OXR1: variants seen among roughly 807,000 people sequenced by gnomAD.
OXR1 encodes oxidation resistance protein 1.
OXR1 carries 41 observed loss-of-function variants against 104.6 expected under a neutral mutation model. The observed-to-expected ratio is 0.39, with a 90% CI of 0.31 to 0.51. The LOEUF is 0.51. Ranked by LOEUF, OXR1 falls within the 20% of genes least tolerant of loss-of-function variation. The pLI is 0.77. For synonymous variants in OXR1, 348 were observed against 348.4 expected (o/e 1.00, Z 0.01); for missense variants, 955 against 1,031.9 (o/e 0.93, Z 1.02).
intron 1 of OXR1, among the ~76,000 whole-genome samples, chr8:106,295,234 T>C (rs1391105276): frequency 1.3e-5 from 2 of 152,200 alleles, no homozygotes; most frequent in African/African-American, 2.4e-5. Flanking sequence ...ATGATATCAG[T>C]TGCAACCTCA....
chr8:106,556,403 A>T (rs990519802), intron 3 of OXR1, among the ~76,000 whole-genome samples: 1 of 152,186 alleles, frequency 6.6e-6, no homozygotes, highest in Non-Finnish European at 1.5e-5. Flanking sequence ...CAAGGAAAGC[A>T]TCTCCAAGGA....
intron 11 of OXR1, among the ~76,000 whole-genome samples, chr8:106,719,204 T>A (rs1390908088): frequency 2.0e-5 from 3 of 152,216 alleles, no homozygotes; most frequent in Non-Finnish European, 4.4e-5. Flanking sequence ...TGATACAGAT[T>A]TTTTATGCCT....
chr8:106,432,117 T>C (rs1365466136), intron 2 of OXR1, among the ~76,000 whole-genome samples: 1 of 152,216 alleles, frequency 6.6e-6, no homozygotes, highest in African/African-American at 2.4e-5. Context: ...CAATCCATTT[T>C]CACCTGCCCT....
Position 106,339,053 on chromosome 8 carries a change from C to A in OXR1, c.-138-20423C>A, listed in dbSNP as rs533036764. On this transcript the variant is annotated intron_variant, in intron 1 of 16. Coordinates refer to ENST00000517566, the MANE Select transcript of OXR1 (RefSeq NM_001198533.2). The stretch of plus-strand genomic sequence containing the variant: ...CTCTTAGTTTAAAGGTGCTTCTTTT[C>A]TTAAAGGGAAATTTGCATTTTTCAT... 5.9e-5 allele frequency among the ~76,000 whole-genome samples: 9 copies of A among 152,196 alleles called. No individual in the cohort carries two copies. In the South Asian group the frequency reaches 1.9e-3, roughly 32 times the overall value.
intron 2 of OXR1, among the ~76,000 whole-genome samples, chr8:106,380,953 T>C (rs1291399646): frequency 1.3e-5 from 2 of 152,164 alleles, no homozygotes; most frequent in South Asian, 2.1e-4. Flanking sequence ...TAATGAGAGA[T>C]AAAAATATTA....
chr8:106,436,177 C>A (rs1819558140), intron 2 of OXR1, among the ~76,000 whole-genome samples: 1 of 152,094 alleles, frequency 6.6e-6, no homozygotes. Context: ...GCTACCATTT[C>A]ATGTCTCCTG....
At chr8:106,367,770 T>C (rs777373040) in intron 2 of OXR1, among the ~76,000 whole-genome samples, 3 of 152,078 alleles carry the variant, frequency 2.0e-5, no homozygotes, top group Admixed American at 6.6e-5. Flanking sequence ...TGGTAGAGGA[T>C]TGGGGAGTTG....
intron 3 of OXR1, among the ~76,000 whole-genome samples, chr8:106,520,746 C>A (rs541609787): frequency 6.6e-6 from 1 of 152,334 alleles, no homozygotes; most frequent in South Asian, 2.1e-4. Flanking sequence ...ATCCTTCTCT[C>A]CTCTGCAACA....
At chr8:106,650,567 G>C (rs1022627486) in intron 3 of OXR1, among the ~76,000 whole-genome samples, 3 of 152,132 alleles carry the variant, frequency 2.0e-5, no homozygotes, top group Admixed American at 6.5e-5. Context: ...GATAGAATGG[G>C]CTTATGGGAA....
At chr8:106,357,823 T>C (rs2130330320) in intron 1 of OXR1, among the ~76,000 whole-genome samples, 1 of 152,226 alleles carries the variant, frequency 6.6e-6, no homozygotes, top group Admixed American at 6.5e-5. Flanking sequence ...TTGCCCCATG[T>C]TTTCCGCTTT....
At chr8:106,482,130 A>T (rs16874728) in intron 2 of OXR1, among the ~76,000 whole-genome samples, 16,599 of 151,970 alleles carry the variant, frequency 0.11, 1,186 homozygotes, top group East Asian at 0.28. Context: ...ATGAGGAAAA[A>T]GGTATGAAAT....
At chr8:106,476,285 A>G (rs1195769397) in intron 2 of OXR1, among the ~76,000 whole-genome samples, 1 of 151,878 alleles carries the variant, frequency 6.6e-6, no homozygotes, top group Non-Finnish European at 1.5e-5. Context: ...TACCAAAAGA[A>G]CTTTTAAAAA....
rs1044613069 is a variant in OXR1 at position 106,364,058 on chromosome 8, A to C, written c.23+4422A>C. 2.6e-5 allele frequency among the ~76,000 whole-genome samples: 4 copies of C among 152,264 alleles called. No homozygotes were observed. In the South Asian group the frequency reaches 8.3e-4, roughly 32 times the overall value. On this transcript the variant is annotated intron_variant, in intron 2 of 16. Coordinates refer to ENST00000517566, the MANE Select transcript of OXR1 (RefSeq NM_001198533.2). ...GGGAAATACTGCAGTTTGTTAGTAG[A>C]ATTTTATCAGAAGTCAACAAAATAT...
intron 1 of OXR1, among the ~76,000 whole-genome samples, chr8:106,291,675 T>C (rs1163242448): frequency 6.6e-6 from 1 of 152,164 alleles, no homozygotes; most frequent in Non-Finnish European, 1.5e-5. Flanking sequence ...TATTAGTCCA[T>C]TTTCACACTG....
intron 16 of OXR1, among the ~76,000 whole-genome samples, chr8:106,747,501 A>G (rs1176852917): frequency 6.6e-6 from 1 of 152,202 alleles, no homozygotes; most frequent in Non-Finnish European, 1.5e-5. Flanking sequence ...GATTTAGAAG[A>G]CTACTTTTAT....
chr8:106,438,257 A>T (rs1458909530), intron 2 of OXR1, among the ~76,000 whole-genome samples: 2 of 152,102 alleles, frequency 1.3e-5, no homozygotes, highest in Non-Finnish European at 2.9e-5. Flanking sequence ...AAAGAAAGAG[A>T]TTGGGAAGCC....
At chr8:106,478,703 A>G (rs567157336) in intron 2 of OXR1, among the ~76,000 whole-genome samples, 1 of 151,820 alleles carries the variant, frequency 6.6e-6, no homozygotes, top group African/African-American at 2.4e-5. Flanking sequence ...TAAATTTAAC[A>G]TAATACGTAT....
At chr8:106,699,430 C>A (rs572875095) in intron 7 of OXR1, among the ~76,000 whole-genome samples, 1 of 152,290 alleles carries the variant, frequency 6.6e-6, no homozygotes, top group East Asian at 1.9e-4. Context: ...TGGAAACTTT[C>A]TCCACTCAGT....
intron 1 of OXR1, among the ~76,000 whole-genome samples, chr8:106,308,197 T>C (rs1813544432): frequency 1.3e-5 from 2 of 152,260 alleles, no homozygotes; most frequent in South Asian, 2.1e-4. Flanking sequence ...TAAGTCCTGG[T>C]CTGAGTTTAA....
Sources: gnomAD v4.1 joint callset for allele counts (sites outside exome capture counted in the v4.1 genomes callset) on GRCh38, gnomAD v4.1.1 for gene constraint, MANE v1.5 for transcripts, NCBI Gene and HGNC (gene_info 2026-07-23, HGNC 2026-07-21) for gene names.